The following RAPGEF2 variants were observed in gnomAD, a reference collection of about 807,000 sequenced individuals.
RAPGEF2 encodes the protein PDZ domain containing guanine nucleotide exchange factor (GEF) 1.
A neutral mutation model predicts 186.7 loss-of-function variants in RAPGEF2; 54 were observed. The ratio of observed to expected loss-of-function variants is 0.29; its 90% CI spans 0.23 to 0.36. The LOEUF (loss-of-function observed/expected upper bound fraction) is 0.36. Ranked by LOEUF, RAPGEF2 falls within the 10% of genes least tolerant of loss-of-function variation. The probability of loss-of-function intolerance (pLI) is 1.00; values close to 1 mark genes in which losing one functional copy is unlikely to be tolerated. For missense variants in RAPGEF2, 1,532 were observed against 2,045.0 expected (o/e 0.75, Z 4.84); for synonymous variants, 712 against 705.9 (o/e 1.01, Z -0.14).
intron 9 of RAPGEF2, among the ~76,000 whole-genome samples, chr4:159,316,636 A>G (rs968042183): frequency 6.6e-6 from 1 of 152,190 alleles, no homozygotes; most frequent in Non-Finnish European, 1.5e-5. Context: ...TGTCCCTGCA[A>G]AGGACATGAT....
intron 3 of RAPGEF2, among the ~76,000 whole-genome samples, chr4:159,200,572 T>TA (rs144220968): frequency 1.5e-4 from 23 of 151,228 alleles, no homozygotes; most frequent in South Asian, 4.2e-4. Flanking sequence ...GTTTGCTAGT[T>TA]AAAAAAAAAG....
intron 7 of RAPGEF2, among the ~76,000 whole-genome samples, chr4:159,279,566 G>A (rs1759408654): frequency 6.6e-6 from 1 of 152,146 alleles, no homozygotes; most frequent in East Asian, 1.9e-4. Context: ...GATCTCAATG[G>A]AAATAAAAGC....
intron 16 of RAPGEF2, 51 bp downstream of exon 16, chr4:159,332,085 G>T: frequency 8.1e-7 from 1 of 1,236,496 alleles, no homozygotes; most frequent in East Asian, 2.4e-5. Context: ...TTGTTTTTTA[G>T]TATTTCAAAC....
Position 159,350,387 on chromosome 4 carries a change from A to G in RAPGEF2, c.3865+98A>G, listed in dbSNP as rs557311914. 103 of 1,065,452 alleles carry G rather than the reference A, an allele frequency of 9.7e-5. No homozygotes were observed. The African/African-American group carries it at 1.5e-3, about 15-fold the overall frequency. 66.0% of individuals were successfully genotyped at this position (1,065,452 alleles called of 1,614,324 possible). A position where few individuals can be genotyped will look rare whatever the true frequency, so the allele number is the denominator to read the frequency against. ...TGTATTACATAATTCCTAACATTAT[A>G]GTCATTTAAGATGAGCTCATTTGCA... On this transcript the variant is annotated intron_variant, in intron 26 of 29. Coordinates refer to ENST00000691494, the MANE Select transcript of RAPGEF2 (RefSeq NM_001394067.2).
intron 1 of RAPGEF2, among the ~76,000 whole-genome samples, chr4:159,134,617 C>G (rs1165081990): frequency 6.6e-6 from 1 of 152,200 alleles, no homozygotes; most frequent in Admixed American, 6.5e-5. Flanking sequence ...AGTTTCAGTT[C>G]TGCATCCTCG....
chr4:159,104,367 A>C, intron 1 of RAPGEF2, 136 bp downstream of exon 1: 9 of 419,656 alleles, frequency 2.1e-5, no homozygotes, highest in East Asian at 1.0e-4. Context: ...CCAACTTCCA[A>C]AGGCATCCCA....
At chr4:159,221,999 T>C (rs547366963) in intron 4 of RAPGEF2, among the ~76,000 whole-genome samples, 59 of 152,366 alleles carry the variant, frequency 3.9e-4, no homozygotes, top group African/African-American at 9.9e-4. Context: ...ATGTAAATAG[T>C]CACAGTGGTA....
chr4:159,274,114 C>T (rs1301381002), intron 7 of RAPGEF2, among the ~76,000 whole-genome samples: 1 of 152,162 alleles, frequency 6.6e-6, no homozygotes, highest in African/African-American at 2.4e-5. Context: ...AATCTGCCTC[C>T]AGAGGTTTGA....
At chr4:159,354,273 A>G (rs1165561496) in intron 28 of RAPGEF2, among the ~76,000 whole-genome samples, 2 of 152,238 alleles carry the variant, frequency 1.3e-5, no homozygotes, top group African/African-American at 4.8e-5. Flanking sequence ...CAAAACATTC[A>G]ATAAATCTTA....
chr4:159,126,809 A>AT (rs1740356319), intron 1 of RAPGEF2, among the ~76,000 whole-genome samples: 1 of 152,162 alleles, frequency 6.6e-6, no homozygotes, highest in Non-Finnish European at 1.5e-5. Flanking sequence ...TTTATTTAGG[A>AT]TGGTCTTTTA....
At chr4:159,247,022 A>T (rs1006152242) in intron 7 of RAPGEF2, among the ~76,000 whole-genome samples, 1 of 152,084 alleles carries the variant, frequency 6.6e-6, no homozygotes, top group African/African-American at 2.4e-5. Flanking sequence ...TTATCTTAAC[A>T]TTTTTTATCC....
intron 4 of RAPGEF2, among the ~76,000 whole-genome samples, chr4:159,220,801 C>A (rs902216067): frequency 6.6e-6 from 1 of 152,194 alleles, no homozygotes; most frequent in Non-Finnish European, 1.5e-5. Flanking sequence ...TAGGACACAG[C>A]AGGCATTTAA....
At position 159,322,501 on chromosome 4, in the gene RAPGEF2, C is replaced by T; in HGVS notation, c.990+18C>T. ...GTGAAGAGGTGAGTAACTATTCCTA[C>T]CACTTAAAAAGTTTCTTCTTAAAGA... On this transcript the variant is annotated intron_variant, in intron 10 of 29. Transcript: ENST00000691494. The T allele has an allele frequency of 4.4e-6, 7 of 1,607,336 alleles. No homozygotes were observed. Among genetic ancestry groups the T allele is most frequent in the Non-Finnish European group, 6.0e-6 (7 of 1,175,530 alleles).
At chr4:159,337,256 A>G (rs953335915) in intron 17 of RAPGEF2, among the ~76,000 whole-genome samples, 1 of 152,204 alleles carries the variant, frequency 6.6e-6, no homozygotes, top group East Asian at 1.9e-4. Context: ...CTGTTTTTTT[A>G]TGCTCTGTAT....
At chr4:159,338,600 C>G (rs1767806337) in intron 18 of RAPGEF2, 132 bp downstream of exon 18, 1 of 1,017,492 alleles carries the variant, frequency 9.8e-7, no homozygotes, top group Non-Finnish European at 1.4e-6. Flanking sequence ...GAAACTTAAA[C>G]TTTAAGATTT....
At chr4:159,121,911 G>T (rs985410114) in intron 1 of RAPGEF2, among the ~76,000 whole-genome samples, 16 of 150,970 alleles carry the variant, frequency 1.1e-4, no homozygotes, top group Non-Finnish European at 1.8e-4. Flanking sequence ...GGTGGTGCAT[G>T]CCTGTACTCC....
chr4:159,354,194 C>G, intron 28 of RAPGEF2, 148 bp downstream of exon 28: 4 of 906,822 alleles, frequency 4.4e-6, no homozygotes, highest in Non-Finnish European at 6.4e-6. Context: ...GTGTTAAGGT[C>G]TTTGAAATCA....
chr4:159,354,413 T>G (rs1731655096), intron 28 of RAPGEF2, among the ~76,000 whole-genome samples: 1 of 152,230 alleles, frequency 6.6e-6, no homozygotes, highest in Non-Finnish European at 1.5e-5. Flanking sequence ...CTCTTTTATA[T>G]CTTTGATTCT....
intron 1 of RAPGEF2, among the ~76,000 whole-genome samples, chr4:159,184,850 T>C (rs940519298): frequency 1.4e-4 from 22 of 152,350 alleles, no homozygotes; most frequent in Admixed American, 3.3e-4. Context: ...TGCCTAGGTT[T>C]TCTTCTAGGG....
Sources: gnomAD v4.1 joint callset for allele counts (sites outside exome capture counted in the v4.1 genomes callset) on GRCh38, gnomAD v4.1.1 for gene constraint, MANE v1.5 for transcripts, NCBI Gene and HGNC (gene_info 2026-07-23, HGNC 2026-07-21) for gene names.